PTPRD: variants seen among roughly 807,000 people sequenced by gnomAD.
PTPRD encodes the protein protein tyrosine phosphatase receptor type D, also known as receptor-type tyrosine-protein phosphatase delta.
A neutral mutation model predicts 214.5 loss-of-function variants in PTPRD; 34 were observed. That is an observed-to-expected ratio of 0.16 (90% CI 0.12 to 0.21). The LOEUF (loss-of-function observed/expected upper bound fraction) is 0.21. PTPRD is among the 10% of genes least tolerant of loss of function. PTPRD has a pLI of 1.00. For missense variants in PTPRD, 2,545 were observed against 2,398.7 expected (o/e 1.06, Z -1.27); for synonymous variants, 1,128 against 845.7 (o/e 1.33, Z -5.79).
chr9:9,792,332 T>C lies in PTPRD; in HGVS notation c.-367-25481A>G, dbSNP rs1438900060. ...CATTTGAAAACTCTGCCAGCACCTA[T>C]AGTGCAGGCCAAGGGCCACAAAGGA... On this transcript the variant is annotated intron_variant, in intron 5 of 45. Transcript: ENST00000381196. Among the ~76,000 whole-genome samples, 5 of 152,282 alleles carry C rather than the reference T, an allele frequency of 3.3e-5. No individual in the cohort carries two copies. In the South Asian group the frequency reaches 6.2e-4, roughly 19 times the overall value.
At chr9:9,522,309 G>C (rs976842266) in intron 8 of PTPRD, among the ~76,000 whole-genome samples, 16 of 151,998 alleles carry the variant, frequency 1.1e-4, no homozygotes, top group African/African-American at 3.4e-4. Flanking sequence ...TAAAGGTAAA[G>C]TTTCATTTCT....
intron 3 of PTPRD, among the ~76,000 whole-genome samples, chr9:10,244,622 A>C (rs2091760792): frequency 6.6e-6 from 1 of 152,166 alleles, no homozygotes; most frequent in African/African-American, 2.4e-5. Flanking sequence ...TACCATTCCT[A>C]AGATGAAAAT....
chr9:9,143,325 T>A (rs1005362239), intron 10 of PTPRD, among the ~76,000 whole-genome samples: 5 of 152,208 alleles, frequency 3.3e-5, no homozygotes, highest in African/African-American at 7.2e-5. Context: ...CAGTCAGTGG[T>A]TAGAATTCAG....
intron 9 of PTPRD, among the ~76,000 whole-genome samples, chr9:9,242,967 T>G (rs925849482): frequency 6.6e-6 from 1 of 152,046 alleles, no homozygotes; most frequent in Admixed American, 6.6e-5. Context: ...CCCATCTTTG[T>G]GGTTTTATCT....
Position 8,594,668 on chromosome 9 carries a change from G to A in PTPRD, c.352+38649C>T, listed in dbSNP as rs865774016. 5.3e-5 allele frequency among the ~76,000 whole-genome samples: 8 copies of A among 151,856 alleles called. 1 individual carries two copies. Among genetic ancestry groups the A allele is most frequent in the Admixed American group, 3.3e-4 (5 of 15,242 alleles). ...TATGTGTTTGACTGTTCCTCCTTCC[G>A]ACGCTCTCGCTCTGTCTTGCCTGCG... On this transcript the variant is annotated intron_variant, in intron 14 of 45. Transcript: ENST00000381196.
chr9:8,424,860 A>G (rs923130900), intron 35 of PTPRD, among the ~76,000 whole-genome samples: 5 of 152,184 alleles, frequency 3.3e-5, no homozygotes, highest in Admixed American at 6.5e-5. Flanking sequence ...GATATATAAT[A>G]AAGTTCTGAT....
rs529050862 is a variant in PTPRD at position 10,313,462 on chromosome 9, A to C, written c.-545+27501T>G. 3.3e-5 allele frequency among the ~76,000 whole-genome samples: 5 copies of C among 151,404 alleles called. No individual in the cohort carries two copies. In the South Asian group the frequency reaches 1.0e-3, roughly 32 times the overall value. ...AATACTCCTTATTTTGTTCATTTTC[A>C]CTTCACAGTGCTACTAGAATAGTTT... On this transcript the variant is annotated intron_variant, in intron 3 of 45. Transcript: ENST00000381196.
At chr9:9,939,829 T>G (rs961529367) in intron 4 of PTPRD, among the ~76,000 whole-genome samples, 3 of 152,186 alleles carry the variant, frequency 2.0e-5, no homozygotes, top group African/African-American at 7.2e-5. Flanking sequence ...CCACCAGAAT[T>G]GCTTAATGTA....
At chr9:10,300,650 A>G (rs2095835348) in intron 3 of PTPRD, among the ~76,000 whole-genome samples, 1 of 152,102 alleles carries the variant, frequency 6.6e-6, no homozygotes, top group Admixed American at 6.6e-5. Context: ...AGCCACCAGG[A>G]AGTTTGAAAT....
intron 2 of PTPRD, among the ~76,000 whole-genome samples, chr9:10,526,135 A>G (rs2054216667): frequency 6.6e-6 from 1 of 152,084 alleles, no homozygotes; most frequent in Non-Finnish European, 1.5e-5. Context: ...TCTAAGATAT[A>G]AAGTCTCTCT....
At chr9:10,592,524 G>T (rs1214467817) in intron 2 of PTPRD, among the ~76,000 whole-genome samples, 1 of 151,924 alleles carries the variant, frequency 6.6e-6, no homozygotes, top group Non-Finnish European at 1.5e-5. Context: ...TCAGTTATAG[G>T]TGGCCAAGCA....
At chr9:9,683,784 G>A (rs554873010) in intron 7 of PTPRD, among the ~76,000 whole-genome samples, 3 of 151,700 alleles carry the variant, frequency 2.0e-5, no homozygotes, top group Non-Finnish European at 2.9e-5. Context: ...ATTATGTAAT[G>A]TATAATTTTA....
intron 6 of PTPRD, among the ~76,000 whole-genome samples, chr9:9,754,141 G>C (rs2098547147): frequency 6.6e-6 from 1 of 152,048 alleles, no homozygotes; most frequent in Non-Finnish European, 1.5e-5. Flanking sequence ...AAAGGATGGA[G>C]GGATGAATGG....
chr9:9,193,947 C>T (rs1333462344), intron 9 of PTPRD, among the ~76,000 whole-genome samples: 1 of 152,046 alleles, frequency 6.6e-6, no homozygotes, highest in Non-Finnish European at 1.5e-5. Context: ...TTTTTTGGCT[C>T]TTCTGTAATA....
At chr9:10,122,126 G>A (rs958664759) in intron 3 of PTPRD, among the ~76,000 whole-genome samples, 1 of 152,050 alleles carries the variant, frequency 6.6e-6, no homozygotes, top group Admixed American at 6.6e-5. Context: ...TGGCCAACAT[G>A]GTGAATCCCC....
chr9:9,374,926 A>G (rs1307497963), intron 9 of PTPRD, among the ~76,000 whole-genome samples: 1 of 152,186 alleles, frequency 6.6e-6, no homozygotes, highest in East Asian at 1.9e-4. Flanking sequence ...GGGACAAAGA[A>G]ATTTGAATTT....
Position 9,947,522 on chromosome 9 carries a change from T to G in PTPRD, c.-471-8912A>C, listed in dbSNP as rs1172750288. On this transcript the variant is annotated intron_variant, in intron 4 of 45. Coordinates refer to ENST00000381196, the MANE Select transcript of PTPRD (RefSeq NM_002839.4). ...ATATTTTATATATATAATATATATA[T>G]TATATATATTTTATATATAATATAT... Among the ~76,000 whole-genome samples, 15 of 20,810 alleles carry G rather than the reference T, an allele frequency of 7.2e-4. 2 individuals are homozygous for G. The highest frequency in any genetic ancestry group is 3.4e-3 in the African/African-American group (14 of 4,154). 13.7% of individuals were successfully genotyped at this position (20,810 alleles called of 152,430 possible).
intron 5 of PTPRD, among the ~76,000 whole-genome samples, chr9:9,885,688 G>C (rs1048376442): frequency 6.6e-6 from 1 of 152,052 alleles, no homozygotes; most frequent in African/African-American, 2.4e-5. Flanking sequence ...ACAAGTCAAA[G>C]AATGTGGGCA....
chr9:8,847,005 T>TG (rs1195672832), intron 11 of PTPRD, among the ~76,000 whole-genome samples: 2 of 152,080 alleles, frequency 1.3e-5, no homozygotes. Context: ...CATGAGAAGA[T>TG]GGGGGCCTTT....
Sources: allele counts gnomAD v4.1 joint callset (sites outside exome capture counted in the v4.1 genomes callset), GRCh38; gene constraint gnomAD v4.1.1; transcripts MANE v1.5; gene names NCBI Gene and HGNC (gene_info 2026-07-23, HGNC 2026-07-21).